GRID2: variants seen among roughly 807,000 people sequenced by gnomAD.
The protein encoded by GRID2 is glutamate ionotropic receptor delta type subunit 2, also known as glutamate receptor ionotropic, delta-2.
Under a neutral mutation model 114.8 loss-of-function variants are expected in GRID2, and 33 were observed. That is an observed-to-expected ratio of 0.29 (90% CI 0.22 to 0.38). The LOEUF is 0.38. GRID2 is among the 10% of genes least tolerant of loss of function. GRID2 has a pLI of 1.00. For synonymous variants in GRID2, 505 were observed against 449.9 expected (o/e 1.12, Z -1.55); for missense variants, 1,184 against 1,257.7 (o/e 0.94, Z 0.89).
chr4:92,426,961 A>C (rs1232180261), intron 1 of GRID2, among the ~76,000 whole-genome samples: 1 of 152,146 alleles, frequency 6.6e-6, no homozygotes, highest in Non-Finnish European at 1.5e-5. Flanking sequence ...TGTTAGTGTC[A>C]GGACACAGGT....
chr4:92,837,817 A>G (rs902204805), intron 2 of GRID2, among the ~76,000 whole-genome samples: 1 of 152,130 alleles, frequency 6.6e-6, no homozygotes, highest in African/African-American at 2.4e-5. Context: ...ATCATAAATT[A>G]ACAACAACCT....
chr4:92,479,250 T>C (rs1263555113), intron 1 of GRID2, among the ~76,000 whole-genome samples: 2 of 152,164 alleles, frequency 1.3e-5, no homozygotes, highest in African/African-American at 4.8e-5. Context: ...TTACATGGTT[T>C]TTTAAAAGTT....
chr4:93,016,601 TG>T (rs944211986), intron 2 of GRID2, among the ~76,000 whole-genome samples: 1 of 152,050 alleles, frequency 6.6e-6, no homozygotes, highest in African/African-American at 2.4e-5. Flanking sequence ...TTGAATGTGG[TG>T]GAATGTAGAG....
intron 1 of GRID2, among the ~76,000 whole-genome samples, chr4:92,535,940 G>A (rs1179170391): frequency 6.6e-6 from 1 of 152,134 alleles, no homozygotes; most frequent in Non-Finnish European, 1.5e-5. Context: ...GTGGGTTCAT[G>A]GTCTCACTGG....
At chr4:93,566,182 G>GGATACTA (rs1735398017) in intron 13 of GRID2, among the ~76,000 whole-genome samples, 1 of 152,150 alleles carries the variant, frequency 6.6e-6, no homozygotes, top group South Asian at 2.1e-4. Flanking sequence ...TCAGGATACA[G>GGATACTA]GATACTACTC....
At chr4:93,584,349 T>C (rs1737324038) in intron 13 of GRID2, among the ~76,000 whole-genome samples, 1 of 152,124 alleles carries the variant, frequency 6.6e-6, no homozygotes, top group Non-Finnish European at 1.5e-5. Flanking sequence ...GGTCCTTAAA[T>C]AGGATAAGTA....
intron 14 of GRID2, among the ~76,000 whole-genome samples, chr4:93,660,334 G>T (rs1381800273): frequency 6.6e-6 from 1 of 152,032 alleles, no homozygotes; most frequent in East Asian, 1.9e-4. Context: ...GATACATGTA[G>T]TCACCCAAAG....
chr4:93,289,716 G>A (rs1753538034), intron 8 of GRID2, among the ~76,000 whole-genome samples: 1 of 152,186 alleles, frequency 6.6e-6, no homozygotes, highest in Non-Finnish European at 1.5e-5. Flanking sequence ...CCCTTAGTCT[G>A]TGTTGCTAAG....
Position 93,316,621 on chromosome 4 carries a change from A to C in GRID2, c.1245+78131A>C, listed in dbSNP as rs376465739. ...TGATGGAAAAAGCATTTAAAGGCAG[A>C]ATTCACATTCCTTAAAAGGACAAAT... On this transcript the variant is annotated intron_variant, in intron 8 of 15. Transcript: ENST00000282020. Among the ~76,000 whole-genome samples, 182 of 152,296 alleles carry C rather than the reference A, an allele frequency of 1.2e-3. 1 individual carries two copies. Among genetic ancestry groups the C allele is most frequent in the Non-Finnish European group, 1.9e-3 (128 of 68,028 alleles).
At chr4:92,473,787 G>C (rs1430313456) in intron 1 of GRID2, among the ~76,000 whole-genome samples, 2 of 151,712 alleles carry the variant, frequency 1.3e-5, no homozygotes, top group South Asian at 2.1e-4. Flanking sequence ...TCTATAATTT[G>C]TTTCTTTTTT....
At chr4:93,792,440 G>A (rs1004719768) in intron 1 of GRID2, among the ~76,000 whole-genome samples, 9 of 151,960 alleles carry the variant, frequency 5.9e-5, no homozygotes, top group South Asian at 4.2e-4. Context: ...ACCTACACCC[G>A]CAAAATGAAA....
chr4:93,187,236 G>A (rs987444953), intron 4 of GRID2, among the ~76,000 whole-genome samples: 2 of 152,106 alleles, frequency 1.3e-5, no homozygotes, highest in Non-Finnish European at 2.9e-5. Flanking sequence ...CTTCTCACAT[G>A]TAAAATATAT....
At chr4:93,317,999 AT>A (rs1756851161) in intron 8 of GRID2, among the ~76,000 whole-genome samples, 1 of 132,548 alleles carries the variant, frequency 7.5e-6, no homozygotes, top group Non-Finnish European at 1.6e-5. Context: ...ATATATATAT[AT>A]ATATATATAT....
At chr4:93,280,412 T>C (rs1270059499) in intron 8 of GRID2, among the ~76,000 whole-genome samples, 1 of 152,050 alleles carries the variant, frequency 6.6e-6, no homozygotes, top group Non-Finnish European at 1.5e-5. Flanking sequence ...CCTTATAGGC[T>C]TCTGTTGAAT....
At chr4:92,416,713 T>C (rs1489877386) in intron 1 of GRID2, among the ~76,000 whole-genome samples, 1 of 152,162 alleles carries the variant, frequency 6.6e-6, no homozygotes, top group African/African-American at 2.4e-5. Flanking sequence ...CAGTTGGCTG[T>C]AAATATTTGG....
intron 1 of GRID2, among the ~76,000 whole-genome samples, chr4:92,401,881 C>A (rs1730804787): frequency 6.6e-6 from 1 of 152,158 alleles, no homozygotes; most frequent in African/African-American, 2.4e-5. Flanking sequence ...CATATCTTTT[C>A]TCTGTAGTAT....
chr4:93,709,838 G>C (rs1218592587), intron 14 of GRID2, among the ~76,000 whole-genome samples: 1 of 151,724 alleles, frequency 6.6e-6, no homozygotes, highest in Admixed American at 6.6e-5. Context: ...TTTTCTTCTT[G>C]ATCAATTCTA....
At chr4:92,406,157 T>C (rs866419064) in intron 1 of GRID2, among the ~76,000 whole-genome samples, 34 of 152,144 alleles carry the variant, frequency 2.2e-4, no homozygotes, top group African/African-American at 7.7e-4. Flanking sequence ...GCCCACTGAC[T>C]CAAATGTTAA....
chr4:93,776,333 G>A (rs1202167026), downstream of GRID2, among the ~76,000 whole-genome samples: 2 of 152,214 alleles, frequency 1.3e-5, no homozygotes, highest in African/African-American at 2.4e-5. Flanking sequence ...ACCCTCTTAT[G>A]AGGCAGCATA....
Sources: gnomAD v4.1 joint callset for allele counts (sites outside exome capture counted in the v4.1 genomes callset) on GRCh38, gnomAD v4.1.1 for gene constraint, MANE v1.5 for transcripts, NCBI Gene and HGNC (gene_info 2026-07-23, HGNC 2026-07-21) for gene names.